PLPBP: variants seen among roughly 807,000 people sequenced by gnomAD.
The protein encoded by PLPBP is pyridoxal phosphate binding protein, also known as pyridoxal phosphate homeostasis protein.
A neutral mutation model predicts 31.2 loss-of-function variants in PLPBP; 21 were observed. That is an observed-to-expected ratio of 0.67 (90% CI 0.48 to 0.97). The LOEUF (loss-of-function observed/expected upper bound fraction) is 0.97. PLPBP is among the 50% of genes least tolerant of loss of function. PLPBP has a pLI of 0.00. For missense variants in PLPBP, 308 were observed against 354.4 expected, an observed-to-expected ratio of 0.87 and a Z score of 1.05; for synonymous variants, 124 against 135.6, an observed-to-expected ratio of 0.91 and a Z score of 0.59.
At position 37,774,326 on chromosome 8, in the gene PLPBP, C is replaced by T. The variant is rs117327658; in HGVS notation, c.455-1013C>T. 5.1e-4 allele frequency among the ~76,000 whole-genome samples: 78 copies of T among 152,346 alleles called. No homozygotes were observed. The South Asian group carries it at 8.9e-3, about 17-fold the overall frequency. ...TAGAAGCATGGGCTTTGAAATCAGA[C>T]AGACCTTGGGTTTCAGCTACACTAC... On this transcript the variant is annotated intron_variant, in intron 5 of 7. Coordinates refer to ENST00000328195, the MANE Select transcript of PLPBP (RefSeq NM_007198.4).
intron 7 of PLPBP, 52 bp downstream of exon 7, chr8:37,776,068 C>G (rs983944293): frequency 1.3e-6 from 2 of 1,508,230 alleles, no homozygotes; most frequent in East Asian, 4.5e-5. Flanking sequence ...GGTAGGGGGT[C>G]TGAGAGGCTG....
intron 1 of PLPBP, 124 bp from the exon 2 acceptor site, chr8:37,765,402 A>G (rs1269487439): frequency 1.1e-6 from 1 of 878,686 alleles, no homozygotes; most frequent in African/African-American, 1.7e-5. Flanking sequence ...AGTGTTGAAA[A>G]AATGGATCTT....
At chr8:37,772,426 T>C (rs144537209) in intron 4 of PLPBP, among the ~76,000 whole-genome samples, 1 of 152,356 alleles carries the variant, frequency 6.6e-6, no homozygotes, top group Non-Finnish European at 1.5e-5. Flanking sequence ...TCCTGACCTG[T>C]TTCTCTCAGT....
Position 37,762,771 on chromosome 8 carries a change from G to A in PLPBP, c.99+13G>A. On this transcript the variant is annotated intron_variant, in intron 1 of 7. Coordinates refer to ENST00000328195, the MANE Select transcript of PLPBP (RefSeq NM_007198.4). ...GCGGCGGCCGCGGGTGAGGAAGGAGGCTGCGTGGGGACGGTGGGCGGCCGC... is the reference window on the plus strand; with the variant it reads ...GCGGCGGCCGCGGGTGAGGAAGGAGACTGCGTGGGGACGGTGGGCGGCCGC... 6.4e-7 allele frequency: 1 copy of A among 1,551,024 alleles called. No homozygotes were observed.
rs1804000605 is a variant in PLPBP, at chr8:37,779,236, C to T, written c.*1132C>T. On this transcript the variant is annotated 3_prime_UTR_variant, in exon 8 of 8. Coordinates refer to ENST00000328195, the MANE Select transcript of PLPBP (RefSeq NM_007198.4). ...GAGAATTTAATGATTATCTCCTCCACTATAATCCTCTTTAGGGTGATTTTT... is the reference window on the plus strand; with the variant it reads ...GAGAATTTAATGATTATCTCCTCCATTATAATCCTCTTTAGGGTGATTTTT... 1 of 152,146 alleles carries T rather than the reference C, an allele frequency of 6.6e-6. No individual in the cohort carries two copies. Among genetic ancestry groups the T allele is most frequent in the African/African-American group, 2.4e-5 (1 of 41,422 alleles). 9.4% of individuals were successfully genotyped at this position (152,146 alleles called of 1,614,324 possible).
chr8:37,763,865 C>A (rs1803548066), intron 1 of PLPBP, among the ~76,000 whole-genome samples: 1 of 152,288 alleles, frequency 6.6e-6, no homozygotes, highest in East Asian at 1.9e-4. Flanking sequence ...GTGAAAACTT[C>A]AGGGGATGAT....
intron 4 of PLPBP, among the ~76,000 whole-genome samples, chr8:37,768,958 T>G (rs1803706837): frequency 6.6e-6 from 1 of 152,162 alleles, no homozygotes; most frequent in Non-Finnish European, 1.5e-5. Flanking sequence ...ATAAAAGCTA[T>G]AAAAGTATTA....
In PLPBP at chr8:37,772,875, C is replaced by T; in HGVS notation, c.440C>T (p.Thr147Ile). 6.2e-7 allele frequency: 1 copy of T among 1,614,134 alleles called. No homozygotes were observed. Among genetic ancestry groups the T allele is most frequent in the East Asian group, 2.2e-5 (1 of 44,876 alleles). ...TTAAAGGTTATGGTCCAGATTAACA[C>T]CAGCGGAGAAGAGAGTAAGTAACCA... ...ERLKVMVQIN[T>I]SGEESKHGLP... The change falls in exon 5 of 8, where the codon ACC becomes ATC. Residue 147 changes from threonine (T) to isoleucine (I), a missense_variant. Physicochemically the swap from Thr to Ile is moderately conservative, Grantham distance 89. Around this residue, in one of 2 missense-constraint regions of PLPBP, gnomAD observed 188 missense variants for 259.3 expected, o/e 0.73. Coordinates refer to ENST00000328195, the MANE Select transcript of PLPBP (RefSeq NM_007198.4).
At position 37,775,946 on chromosome 8, in the gene PLPBP, G is replaced by T; in HGVS notation, c.626G>T (p.Cys209Phe). ...QLLLSLREELCKKLNIPADQV... is the reference protein window; with the variant it reads ...QLLLSLREELFKKLNIPADQV... ...TTATTGTCCCTCCGGGAGGAGCTGT[G>T]TAAAAAGCTGAACATCCCTGCTGAC... The change falls in exon 7 of 8, where the codon TGT (cysteine) becomes TTT (phenylalanine). Residue 209 changes from cysteine to phenylalanine, a missense_variant. Cys to Phe is a radical substitution (Grantham distance 205). This residue lies in a region of PLPBP where 188 missense variants were observed against 259.3 expected (regional missense o/e 0.73). Transcript: ENST00000328195. The T allele has an allele frequency of 6.2e-7, 1 of 1,613,940 alleles. No homozygotes were observed. Among genetic ancestry groups the T allele is most frequent in the Non-Finnish European group, 8.5e-7 (1 of 1,179,884 alleles).
At chr8:37,765,126 C>T (rs757352791) in intron 1 of PLPBP, among the ~76,000 whole-genome samples, 4 of 152,052 alleles carry the variant, frequency 2.6e-5, no homozygotes, top group Non-Finnish European at 4.4e-5. Context: ...TGCGGTGAGC[C>T]GAGATGGCAC....
rs201316839 is a variant in PLPBP at position 37,766,317 on chromosome 8, T to C, written c.281T>C (p.Ile94Thr). 2.7e-4 allele frequency: 438 copies of C among 1,610,580 alleles called. No homozygotes were observed. Among genetic ancestry groups the C allele is most frequent in the Non-Finnish European group, 3.6e-4 (419 of 1,178,524 alleles). Residue 94 changes from isoleucine (I) to threonine (T), a missense_variant, in exon 4 of 8, where the codon ATT becomes ACT. Ile to Thr is a moderately conservative substitution (Grantham distance 89). Around this residue, in one of 2 missense-constraint regions of PLPBP, gnomAD observed 188 missense variants for 259.3 expected, o/e 0.73. Coordinates refer to ENST00000328195, the MANE Select transcript of PLPBP (RefSeq NM_007198.4). ...TGTCCTGAGATCAAATGGCACTTCA[T>C]TGGCCACCTACAGAAACAAAATGTC... ...SLCPEIKWHF[I>T]GHLQKQNVNK...
chr8:37,765,686 G>A, intron 2 of PLPBP, 25 bp from the exon 3 acceptor site: 1 of 1,614,212 alleles, frequency 6.2e-7, no homozygotes, highest in Non-Finnish European at 8.5e-7. Flanking sequence ...CCAGGCTTCT[G>A]ACTTGTTCTG....
chr8:37,764,967 TCA>T (rs1163370499), intron 1 of PLPBP, among the ~76,000 whole-genome samples: 9 of 152,066 alleles, frequency 5.9e-5, no homozygotes, highest in African/African-American at 1.7e-4. Flanking sequence ...GGTCGGGAGT[TCA>T]AGGCCAGCCT....
At chr8:37,772,147 G>A (rs1485734314) in intron 4 of PLPBP, among the ~76,000 whole-genome samples, 1 of 152,192 alleles carries the variant, frequency 6.6e-6, no homozygotes, top group African/African-American at 2.4e-5. Context: ...GAATAGTTAT[G>A]TAAACTGTGA....
At chr8:37,763,192 C>G (rs1803529971) in intron 1 of PLPBP, among the ~76,000 whole-genome samples, 1 of 152,152 alleles carries the variant, frequency 6.6e-6, no homozygotes, top group Non-Finnish European at 1.5e-5. Context: ...CCAAGAAATG[C>G]CAGTGCCGCC....
At chr8:37,763,941 T>TGG (rs1803549925) in intron 1 of PLPBP, among the ~76,000 whole-genome samples, 1 of 152,172 alleles carries the variant, frequency 6.6e-6, no homozygotes, top group Admixed American at 6.5e-5. Flanking sequence ...CTATGTGGAT[T>TGG]GGGTGGCAGC....
chr8:37,777,147 C>T (rs2129816621), intron 7 of PLPBP, among the ~76,000 whole-genome samples: 1 of 152,212 alleles, frequency 6.6e-6, no homozygotes, highest in Admixed American at 6.5e-5. Flanking sequence ...TACAGGTGTG[C>T]TAGATTGGCA....
intron 7 of PLPBP, among the ~76,000 whole-genome samples, chr8:37,777,013 C>T (rs1803929929): frequency 6.6e-6 from 1 of 152,160 alleles, no homozygotes; most frequent in African/African-American, 2.4e-5. Context: ...GTAATCCACC[C>T]ACCTAGGCCT....
At chr8:37,763,958 C>T (rs769528234) in intron 1 of PLPBP, among the ~76,000 whole-genome samples, 1 of 151,972 alleles carries the variant, frequency 6.6e-6, no homozygotes, top group Non-Finnish European at 1.5e-5. Context: ...CAGCAGAACG[C>T]ATAGAACCCC....
Sources: allele counts gnomAD v4.1 joint callset (sites outside exome capture counted in the v4.1 genomes callset), GRCh38; gene constraint gnomAD v4.1.1; regional missense constraint gnomAD v4.1.1; transcripts MANE v1.5; gene names NCBI Gene and HGNC (gene_info 2026-07-23, HGNC 2026-07-21).